Variants in SPAG16 observed in about 807,000 individuals in gnomAD.
SPAG16 encodes the protein sperm associated antigen 16, also known as sperm-associated antigen 16 protein.
A neutral mutation model predicts 80.4 loss-of-function variants in SPAG16; 86 were observed. The observed-to-expected ratio is 1.07, with a 90% CI of 0.90 to 1.28. The LOEUF (loss-of-function observed/expected upper bound fraction) is 1.28, where lower values mean the gene tolerates loss of function less well. Ranked by LOEUF, SPAG16 falls within the 50% of genes most tolerant of loss-of-function variation. SPAG16 has a pLI of 0.00. For missense variants in SPAG16, 870 were observed against 765.3 expected (o/e 1.14, Z -1.61); for synonymous variants, 294 against 265.9 (o/e 1.11, Z -1.03).
At chr2:213,856,769 G>A (rs2075188836) in intron 10 of SPAG16, among the ~76,000 whole-genome samples, 1 of 152,194 alleles carries the variant, frequency 6.6e-6, no homozygotes, top group Non-Finnish European at 1.5e-5. Flanking sequence ...GCACAAAGCA[G>A]CAAGTACCTG....
At chr2:213,506,794 G>T (rs559841730) in intron 10 of SPAG16, among the ~76,000 whole-genome samples, 5 of 152,300 alleles carry the variant, frequency 3.3e-5, no homozygotes, top group African/African-American at 4.8e-5. Context: ...AGGAATAGCT[G>T]CAGGTTAAGC....
intron 12 of SPAG16, among the ~76,000 whole-genome samples, chr2:213,962,671 G>T (rs963144335): frequency 6.6e-6 from 1 of 152,182 alleles, no homozygotes; most frequent in Non-Finnish European, 1.5e-5. Context: ...AATTTCTGTT[G>T]TTTAAGCCAC....
intron 9 of SPAG16, among the ~76,000 whole-genome samples, chr2:213,444,846 A>G (rs1326689229): frequency 6.6e-6 from 1 of 152,202 alleles, no homozygotes; most frequent in Non-Finnish European, 1.5e-5. Context: ...AATATACTAC[A>G]ACACTATAGT....
chr2:213,860,762 T>C (rs577418063), intron 10 of SPAG16, among the ~76,000 whole-genome samples: 33 of 152,222 alleles, frequency 2.2e-4, no homozygotes, highest in African/African-American at 7.2e-4. Context: ...AACTTATCTT[T>C]CAAAGTTCGT....
chr2:214,280,937 G>T, intron 15 of SPAG16: 1 of 443,080 alleles, frequency 2.3e-6, no homozygotes, highest in Non-Finnish European at 4.3e-6. Flanking sequence ...TGTGCTTCCA[G>T]TGTACTTCTG....
At chr2:213,660,325 C>T (rs1368980064) in intron 10 of SPAG16, among the ~76,000 whole-genome samples, 7 of 150,884 alleles carry the variant, frequency 4.6e-5, no homozygotes, top group Admixed American at 1.3e-4. Context: ...GCTTGAGTGC[C>T]GTGGCGCAAT....
intron 9 of SPAG16, among the ~76,000 whole-genome samples, chr2:213,387,231 A>G (rs945729794): frequency 6.6e-5 from 10 of 151,916 alleles, no homozygotes; most frequent in South Asian, 2.1e-4. Flanking sequence ...TTTGTAATAT[A>G]TTAAAAATCT....
rs528198859 is a variant in SPAG16, at chr2:214,135,607, G to A, written c.1594-13533G>A. On this transcript the variant is annotated intron_variant, in intron 14 of 15. Transcript: ENST00000331683. ...CATGGGAGCAAATCTCTCATGAATA[G>A]ATTAATGCCTTCCCTGAGGGAGGGG... is the stretch of plus-strand genomic sequence containing the variant. Among the ~76,000 whole-genome samples, 51 of 152,246 alleles carry A rather than the reference G, an allele frequency of 3.3e-4. 1 individual carries two copies. The South Asian group carries it at 1.0e-2, about 30-fold the overall frequency.
chr2:213,739,402 T>C (rs2067436672), intron 10 of SPAG16, among the ~76,000 whole-genome samples: 1 of 152,214 alleles, frequency 6.6e-6, no homozygotes, highest in African/African-American at 2.4e-5. Context: ...CTGTTACCTT[T>C]GAAAAAGTTC....
intron 9 of SPAG16, among the ~76,000 whole-genome samples, chr2:213,453,119 T>C (rs2071799890): frequency 6.6e-6 from 1 of 152,218 alleles, no homozygotes; most frequent in South Asian, 2.1e-4. Flanking sequence ...TTTCCTTTTT[T>C]CTTAGAACAT....
intron 9 of SPAG16, among the ~76,000 whole-genome samples, chr2:213,406,737 T>A (rs1269933290): frequency 1.3e-5 from 2 of 152,136 alleles, no homozygotes; most frequent in Non-Finnish European, 2.9e-5. Context: ...AAATTTTATA[T>A]GCGAGTGCAA....
At chr2:213,727,070 C>T (rs370914775) in intron 10 of SPAG16, among the ~76,000 whole-genome samples, 15 of 152,120 alleles carry the variant, frequency 9.9e-5, no homozygotes, top group African/African-American at 3.4e-4. Flanking sequence ...AAATCACGAT[C>T]CCCAACTTCT....
intron 10 of SPAG16, among the ~76,000 whole-genome samples, chr2:213,751,854 A>C (rs2068090897): frequency 6.6e-6 from 1 of 152,214 alleles, no homozygotes; most frequent in African/African-American, 2.4e-5. Flanking sequence ...AAGGCATGCT[A>C]CAAACTCTCA....
At chr2:214,081,485 G>A (rs1422934642) in intron 13 of SPAG16, among the ~76,000 whole-genome samples, 2 of 152,184 alleles carry the variant, frequency 1.3e-5, no homozygotes, top group Non-Finnish European at 2.9e-5. Flanking sequence ...AGAAGGGACA[G>A]GGACAGAGAG....
At chr2:213,426,370 C>T (rs1163909534) in intron 9 of SPAG16, among the ~76,000 whole-genome samples, 2 of 151,370 alleles carry the variant, frequency 1.3e-5, no homozygotes, top group Non-Finnish European at 1.5e-5. Context: ...AAATGAGCAC[C>T]CAAATTTTCT....
At chr2:214,033,733 A>T (rs2125060611) in intron 13 of SPAG16, among the ~76,000 whole-genome samples, 1 of 152,246 alleles carries the variant, frequency 6.6e-6, no homozygotes, top group South Asian at 2.1e-4. Context: ...AAATAGACTT[A>T]TATTTCTCCA....
chr2:214,140,076 A>G (rs2055270514), intron 14 of SPAG16, among the ~76,000 whole-genome samples: 1 of 152,160 alleles, frequency 6.6e-6, no homozygotes, highest in African/African-American at 2.4e-5. Flanking sequence ...ATAAAACCAA[A>G]CTGTAACCTG....
At chr2:213,517,933 AC>A (rs1280711684) in intron 10 of SPAG16, among the ~76,000 whole-genome samples, 1 of 152,240 alleles carries the variant, frequency 6.6e-6, no homozygotes, top group African/African-American at 2.4e-5. Flanking sequence ...AGGAACTTCA[AC>A]AAAAACAAAA....
At chr2:214,206,145 G>A (rs956947457) in intron 15 of SPAG16, among the ~76,000 whole-genome samples, 9 of 152,226 alleles carry the variant, frequency 5.9e-5, no homozygotes, top group Middle Eastern at 3.4e-3. Context: ...GCAGTGAGCC[G>A]AGATTGCACC....
Sources: gnomAD v4.1 joint callset for allele counts (sites outside exome capture counted in the v4.1 genomes callset) on GRCh38, gnomAD v4.1.1 for gene constraint, MANE v1.5 for transcripts, NCBI Gene and HGNC (gene_info 2026-07-23, HGNC 2026-07-21) for gene names.